The following WDR70 variants were observed in gnomAD, a reference collection of about 807,000 sequenced individuals.
WDR70 encodes the protein WD repeat-containing protein 70.
A neutral mutation model predicts 88.6 loss-of-function variants in WDR70; 53 were observed. The ratio of observed to expected loss-of-function variants is 0.60; its 90% CI spans 0.48 to 0.75. The LOEUF is 0.75. Ranked by LOEUF, WDR70 falls within the 30% of genes least tolerant of loss-of-function variation. The pLI is 0.00. For synonymous variants in WDR70, 280 were observed against 270.0 expected (o/e 1.04, Z -0.36); for missense variants, 610 against 823.2 (o/e 0.74, Z 3.17).
At chr5:37,648,022 G>GA (rs1465474268) in intron 10 of WDR70, among the ~76,000 whole-genome samples, 1 of 152,168 alleles carries the variant, frequency 6.6e-6, no homozygotes, top group African/African-American at 2.4e-5. Context: ...GACACTTGGG[G>GA]ATTACAATTT....
intron 7 of WDR70, among the ~76,000 whole-genome samples, chr5:37,470,347 T>G (rs1034714077): frequency 6.6e-6 from 1 of 152,096 alleles, no homozygotes; most frequent in Admixed American, 6.6e-5. Flanking sequence ...ATTTTTATAA[T>G]GTTTAAATTA....
chr5:37,678,283 GC>G (rs1444722356), intron 10 of WDR70, among the ~76,000 whole-genome samples: 1 of 152,138 alleles, frequency 6.6e-6, no homozygotes, highest in Non-Finnish European at 1.5e-5. Flanking sequence ...CATGATGTTA[GC>G]TGGTTATTTT....
intron 9 of WDR70, among the ~76,000 whole-genome samples, chr5:37,604,502 C>T (rs762943206): frequency 2.0e-5 from 3 of 152,210 alleles, no homozygotes; most frequent in Admixed American, 2.0e-4. Context: ...TGTTACACCT[C>T]TGCTCCAGGA....
intron 8 of WDR70, among the ~76,000 whole-genome samples, chr5:37,501,801 A>G (rs1740412697): frequency 6.6e-6 from 1 of 152,138 alleles, no homozygotes; most frequent in Admixed American, 6.6e-5. Context: ...GTTGGTCTGC[A>G]TATCTACTTT....
At chr5:37,687,888 T>C in intron 10 of WDR70, 1 of 658,554 alleles carries the variant, frequency 1.5e-6, no homozygotes, top group African/African-American at 1.8e-5. Flanking sequence ...AGATTCACAA[T>C]ACCATCTCTT....
intron 10 of WDR70, among the ~76,000 whole-genome samples, chr5:37,656,679 C>T (rs1298287613): frequency 6.6e-6 from 1 of 152,250 alleles, no homozygotes; most frequent in Non-Finnish European, 1.5e-5. Context: ...AGACTGGCTA[C>T]AGCTGCTTTG....
At chr5:37,599,000 A>C (rs1225787445) in intron 9 of WDR70, among the ~76,000 whole-genome samples, 1 of 152,240 alleles carries the variant, frequency 6.6e-6, no homozygotes, top group East Asian at 1.9e-4. Flanking sequence ...GCATAAATGC[A>C]TCACAGAGTT....
chr5:37,462,476 G>C (rs1233835450), intron 7 of WDR70, among the ~76,000 whole-genome samples: 1 of 152,012 alleles, frequency 6.6e-6, no homozygotes, highest in Admixed American at 6.5e-5. Flanking sequence ...CTAATTTTTT[G>C]TATTTTCAGT....
chr5:37,518,411 A>G (rs1283031770), intron 9 of WDR70, among the ~76,000 whole-genome samples: 4 of 151,474 alleles, frequency 2.6e-5, no homozygotes, highest in Non-Finnish European at 5.9e-5. Flanking sequence ...CATGAGTTCC[A>G]TTGTTTTGAT....
At chr5:37,661,311 C>T (rs752041002) in intron 10 of WDR70, among the ~76,000 whole-genome samples, 11 of 152,098 alleles carry the variant, frequency 7.2e-5, no homozygotes, top group South Asian at 2.1e-4. Flanking sequence ...TCAGAGCAAA[C>T]GCTTTCTTTT....
intron 10 of WDR70, among the ~76,000 whole-genome samples, chr5:37,644,181 G>A (rs1375091088): frequency 6.6e-6 from 1 of 151,888 alleles, no homozygotes; most frequent in Non-Finnish European, 1.5e-5. Flanking sequence ...TTTTTGGAGG[G>A]TTCATATCAT....
intron 10 of WDR70, among the ~76,000 whole-genome samples, chr5:37,640,022 A>G (rs1581457089): frequency 6.6e-6 from 1 of 152,170 alleles, no homozygotes; most frequent in South Asian, 2.1e-4. Context: ...ACAACTAGAA[A>G]TATTACAGCC....
intron 17 of WDR70, among the ~76,000 whole-genome samples, chr5:37,746,184 G>T (rs1239870948): frequency 1.3e-5 from 2 of 152,068 alleles, no homozygotes; most frequent in African/African-American, 4.8e-5. Flanking sequence ...CTCCTGGATA[G>T]ATAGTGAAAT....
At chr5:37,523,223 A>C (rs1741150727) in intron 9 of WDR70, among the ~76,000 whole-genome samples, 1 of 152,218 alleles carries the variant, frequency 6.6e-6, no homozygotes, top group South Asian at 2.1e-4. Flanking sequence ...ACTGGGATGC[A>C]TCCCCCCAAT....
chr5:37,436,168 G>A (rs777909242), intron 5 of WDR70, among the ~76,000 whole-genome samples: 2 of 152,154 alleles, frequency 1.3e-5, no homozygotes, highest in South Asian at 2.1e-4. Flanking sequence ...CAGGTAAAGA[G>A]GAAAAGAAGC....
intron 17 of WDR70, among the ~76,000 whole-genome samples, chr5:37,729,233 C>T (rs758575285): frequency 6.6e-6 from 1 of 152,146 alleles, no homozygotes; most frequent in Non-Finnish European, 1.5e-5. Flanking sequence ...GCCGTGGCTC[C>T]TTTTGTTGGA....
chr5:37,641,574 G>A (rs367790969), intron 10 of WDR70, among the ~76,000 whole-genome samples: 3 of 151,798 alleles, frequency 2.0e-5, no homozygotes, highest in Non-Finnish European at 2.9e-5. Context: ...GTGCCACTAC[G>A]CCCTGCTAAT....
chr5:37,475,140 G>T (rs1739439225), intron 7 of WDR70, among the ~76,000 whole-genome samples: 1 of 151,728 alleles, frequency 6.6e-6, no homozygotes, highest in Admixed American at 6.6e-5. Context: ...GGCTGGTCTT[G>T]AACTCCTGGC....
intron 7 of WDR70, among the ~76,000 whole-genome samples, chr5:37,460,861 T>C (rs1738976450): frequency 6.6e-6 from 1 of 151,958 alleles, no homozygotes; most frequent in Admixed American, 6.5e-5. Context: ...CTTGGTGTTA[T>C]AGTTTCTCAG....
Sources: allele counts gnomAD v4.1 joint callset (sites outside exome capture counted in the v4.1 genomes callset), GRCh38; gene constraint gnomAD v4.1.1; transcripts MANE v1.5; gene names NCBI Gene and HGNC (gene_info 2026-07-23, HGNC 2026-07-21).